The following GNB5 variants were observed in gnomAD, a reference collection of about 807,000 sequenced individuals.
GNB5 encodes the protein G protein subunit beta 5.
GNB5 carries 37 observed loss-of-function variants against 55.3 expected under a neutral mutation model. The ratio of observed to expected loss-of-function variants is 0.67; its 90% CI spans 0.51 to 0.88. The LOEUF is 0.88. Among genes scored for constraint, GNB5 ranks in the 40% least tolerant of loss-of-function variants. The pLI is 0.00. For synonymous variants in GNB5, 219 were observed against 198.5 expected (o/e 1.10, Z -0.87); for missense variants, 476 against 515.3 (o/e 0.92, Z 0.74).
intron 6 of GNB5, among the ~76,000 whole-genome samples, chr15:52,142,805 G>A (rs963025784): frequency 6.7e-6 from 1 of 150,362 alleles, no homozygotes; most frequent in Non-Finnish European, 1.5e-5. Context: ...AGGTACACAG[G>A]TGTATTCTTG....
chr15:52,139,274 A>G (rs1178579041), intron 7 of GNB5, among the ~76,000 whole-genome samples: 1 of 152,084 alleles, frequency 6.6e-6, no homozygotes, highest in Non-Finnish European at 1.5e-5. Flanking sequence ...AGACCCCATC[A>G]CTACAAAAAA....
At chr15:52,139,805 T>C (rs1173026184) in intron 7 of GNB5, 1 of 1,242,806 alleles carries the variant, frequency 8.0e-7, no homozygotes, top group Non-Finnish European at 1.0e-6. Flanking sequence ...AAGAAAGCAC[T>C]TTCTCACCTA....
intron 3 of GNB5, among the ~76,000 whole-genome samples, chr15:52,172,281 A>G (rs1285104171): frequency 6.6e-6 from 1 of 151,890 alleles, no homozygotes. Flanking sequence ...CCACAGGTAC[A>G]CACCATCATG....
chr15:52,156,058 G>A (rs1309191325), intron 3 of GNB5, among the ~76,000 whole-genome samples: 2 of 152,158 alleles, frequency 1.3e-5, no homozygotes, highest in Admixed American at 1.3e-4. Flanking sequence ...GCATTCATTA[G>A]TCAGCTTTCT....
At chr15:52,132,574 A>G (rs1332148046) in intron 9 of GNB5, among the ~76,000 whole-genome samples, 2 of 148,116 alleles carry the variant, frequency 1.4e-5, no homozygotes, top group African/African-American at 5.0e-5. Flanking sequence ...TGTAGCCTCA[A>G]TCTCCTGGGT....
At chr15:52,154,538 G>C (rs925416197) in intron 3 of GNB5, among the ~76,000 whole-genome samples, 3 of 152,124 alleles carry the variant, frequency 2.0e-5, no homozygotes, top group African/African-American at 7.2e-5. Flanking sequence ...AGTGAACCAG[G>C]CTGGGGCTTC....
At chr15:52,124,258 G>A (rs1012725745) in intron 12 of GNB5, among the ~76,000 whole-genome samples, 5 of 152,154 alleles carry the variant, frequency 3.3e-5, no homozygotes, top group East Asian at 1.9e-4. Flanking sequence ...CGCAGTTGTC[G>A]AATCTGTGCG....
chr15:52,170,071 G>C (rs996029933), intron 3 of GNB5, among the ~76,000 whole-genome samples: 1 of 152,206 alleles, frequency 6.6e-6, no homozygotes, highest in African/African-American at 2.4e-5. Context: ...ACAGATGCTG[G>C]TGAGGTTGCG....
intron 12 of GNB5, among the ~76,000 whole-genome samples, chr15:52,123,998 G>GA (rs2033346365): frequency 9.7e-5 from 2 of 20,714 alleles, no homozygotes; most frequent in Non-Finnish European, 1.9e-4. Context: ...TTAAGCTATA[G>GA]AAAAACCAAA....
intron 9 of GNB5, among the ~76,000 whole-genome samples, chr15:52,132,265 C>G (rs553149045): frequency 6.6e-6 from 1 of 152,308 alleles, no homozygotes; most frequent in Non-Finnish European, 1.5e-5. Flanking sequence ...CTACCAGCAT[C>G]CATGAGCTAT....
chr15:52,117,102 A>ATATATATATATTTTTTTTTTTTTTT lies in GNB5; in HGVS notation c.*5654_*5655insAAAAAAAAAAAAAAATATATATATA. On this transcript the variant is annotated 3_prime_UTR_variant, in exon 13 of 13. Transcript: ENST00000261837. ...CCACGCCCAGCTAATATATATATATATTTTTTTTTAGTACAGACAGGGTTT... is the reference window on the plus strand; with the variant it reads ...CCACGCCCAGCTAATATATATATATATATATATATATTTTTTTTTTTTTTTTTTTTTTTTAGTACAGACAGGGTTT... The ATATATATATATTTTTTTTTTTTTTT allele has an allele frequency of 2.3e-5, 2 of 87,100 alleles. No individual in the cohort carries two copies. Among genetic ancestry groups the ATATATATATATTTTTTTTTTTTTTT allele is most frequent in the African/African-American group, 1.2e-4 (2 of 16,446 alleles). The allele number at this position is 87,100 out of a possible 1,614,324, so 5.4% of individuals were successfully genotyped here. A position where few individuals can be genotyped will look rare whatever the true frequency, so the allele number is the denominator to read the frequency against.
In GNB5 at chr15:52,117,911, A is replaced by G. The variant is rs2033177358; in HGVS notation, c.*4846T>C. The G allele has an allele frequency of 6.6e-6, 1 of 152,600 alleles. No homozygotes were observed. 9.5% of individuals were successfully genotyped at this position (152,600 alleles called of 1,614,324 possible). A position where few individuals can be genotyped will look rare whatever the true frequency, so the allele number is the denominator to read the frequency against. On this transcript the variant is annotated 3_prime_UTR_variant, in exon 13 of 13. Transcript: ENST00000261837. ...TTCTTCTCAGCAGGCAAGTTTGGGA[A>G]ATGAAGATCTACAAATCCCCACTCA...
chr15:52,128,648 G>T (rs1048355616), intron 9 of GNB5: 2 of 480,700 alleles, frequency 4.2e-6, no homozygotes, highest in African/African-American at 3.9e-5. Flanking sequence ...TACTACCTGC[G>T]ATACTTTTGG....
At chr15:52,175,741 A>AAAACAAAC (rs34147035) in intron 3 of GNB5, among the ~76,000 whole-genome samples, 160 of 149,312 alleles carry the variant, frequency 1.1e-3, no homozygotes, top group Middle Eastern at 6.9e-3. Context: ...TCCGTCTCAA[A>AAAACAAAC]AAACAAACAA....
chr15:52,137,025 C>G (rs770263143), intron 7 of GNB5: 2 of 454,114 alleles, frequency 4.4e-6, no homozygotes, highest in South Asian at 3.1e-5. Context: ...TGTTCGCTTG[C>G]TGGGCTCACC....
intron 6 of GNB5, among the ~76,000 whole-genome samples, chr15:52,145,490 C>T (rs182267831): frequency 2.1e-4 from 32 of 151,088 alleles, no homozygotes; most frequent in African/African-American, 7.8e-4. Flanking sequence ...AAAAAAAATA[C>T]AAAAATTAGC....
rs117320667 is a variant in GNB5 at position 52,126,256 on chromosome 15, T to C, written c.913-212A>G. 2,014 of 408,638 alleles carry C rather than the reference T, an allele frequency of 4.9e-3. 37 individuals are homozygous for C. Among genetic ancestry groups the C allele is most frequent in the Admixed American group, 0.03 (743 of 24,918 alleles). The allele number at this position is 408,638 out of a possible 1,614,324, so 25.3% of individuals were successfully genotyped here. A position where few individuals can be genotyped will look rare whatever the true frequency, so the allele number is the denominator to read the frequency against. ...GAGTCCTGATTCCTATTAATCTCTA[T>C]GAGTCAGTAAAGAAACGGCAAATAC... On this transcript the variant is annotated intron_variant, in intron 10 of 12. Coordinates refer to ENST00000261837, the MANE Select transcript of GNB5 (RefSeq NM_016194.4).
In GNB5 at chr15:52,153,885, C is replaced by G. The variant is rs577814754; in HGVS notation, c.375+55G>C. On this transcript the variant is annotated intron_variant, in intron 4 of 12. Coordinates refer to ENST00000261837, the MANE Select transcript of GNB5 (RefSeq NM_016194.4). ...TTTGGAAAGGGACAGCTCTCCTCCCCCTTAGCTATAAAATCCAAAACCCGC... is the reference window on the plus strand; with the variant it reads ...TTTGGAAAGGGACAGCTCTCCTCCCGCTTAGCTATAAAATCCAAAACCCGC... 24 of 1,519,716 alleles carry G rather than the reference C, an allele frequency of 1.6e-5. No homozygotes were observed. The East Asian group carries it at 4.1e-4, about 26-fold the overall frequency. The allele number at this position is 1,519,716 out of a possible 1,614,324, so 94.1% of individuals were successfully genotyped here.
intron 1 of GNB5, among the ~76,000 whole-genome samples, chr15:52,187,368 G>C (rs2034860371): frequency 6.6e-6 from 1 of 152,110 alleles, no homozygotes; most frequent in African/African-American, 2.4e-5. Context: ...GTCAGAGAGA[G>C]AGAGAGAAGG....
Sources: gnomAD v4.1 joint callset for allele counts (sites outside exome capture counted in the v4.1 genomes callset) on GRCh38, gnomAD v4.1.1 for gene constraint, MANE v1.5 for transcripts, NCBI Gene and HGNC (gene_info 2026-07-23, HGNC 2026-07-21) for gene names.